The following KANSL1 variants were observed in gnomAD, a reference collection of about 807,000 sequenced individuals.
KANSL1 encodes KAT8 regulatory NSL complex subunit 1.
Under a neutral mutation model 103.6 loss-of-function variants are expected in KANSL1, and 22 were observed. The ratio of observed to expected loss-of-function variants is 0.21; its 90% CI spans 0.15 to 0.30. The LOEUF (loss-of-function observed/expected upper bound fraction) is 0.30, where lower values mean the gene tolerates loss of function less well. Among genes scored for constraint, KANSL1 ranks in the 10% least tolerant of loss-of-function variants. The probability of loss-of-function intolerance (pLI) is 1.00; values close to 1 mark genes in which losing one functional copy is unlikely to be tolerated. For synonymous variants in KANSL1, 600 were observed against 527.6 expected (o/e 1.14, Z -1.88); for missense variants, 1,337 against 1,399.8 (o/e 0.96, Z 0.72).
intron 9 of KANSL1, 25 bp from the exon 10 acceptor site, chr17:46,038,711 G>C: frequency 6.2e-7 from 1 of 1,613,610 alleles, no homozygotes; most frequent in South Asian, 1.1e-5. Flanking sequence ...AGAAAAGAGA[G>C]AAATACATGG....
intron 3 of KANSL1, among the ~76,000 whole-genome samples, chr17:46,090,030 C>T (rs1416366238): frequency 1.3e-5 from 2 of 152,186 alleles, no homozygotes; most frequent in Non-Finnish European, 2.9e-5. Context: ...AGGGTCTTTG[C>T]AGATGTAATC....
chr17:46,218,389 T>C lies in KANSL1; in HGVS notation c.-90+5282A>G, dbSNP rs539044180. ...TACTATCATTATACCCTTTTTACAG[T>C]GTGGACACCAAGGTTCTAAGAGGTT... On this transcript the variant is annotated intron_variant, in intron 1 of 14. Coordinates refer to the KANSL1 transcript ENST00000572904. Among the ~76,000 whole-genome samples, 5 of 152,360 alleles carry C rather than the reference T, an allele frequency of 3.3e-5. No homozygotes were observed. The East Asian group carries it at 7.7e-4, about 24-fold the overall frequency.
chr17:46,105,949 C>A (rs376991420), intron 2 of KANSL1, among the ~76,000 whole-genome samples: 7,155 of 48,090 alleles, frequency 0.15, 245 homozygotes, highest in African/African-American at 0.2. Flanking sequence ...ACACACACAC[C>A]CCCCCAGAAG....
chr17:46,081,496 A>G (rs1440530629), intron 4 of KANSL1, among the ~76,000 whole-genome samples: 1 of 152,238 alleles, frequency 6.6e-6, no homozygotes, highest in Non-Finnish European at 1.5e-5. Flanking sequence ...GTTAAGAACT[A>G]TCAATCTTCT....
intron 1 of KANSL1, among the ~76,000 whole-genome samples, chr17:46,174,236 G>C (rs2046416665): frequency 6.6e-6 from 1 of 152,204 alleles, no homozygotes; most frequent in Non-Finnish European, 1.5e-5. Flanking sequence ...CCACGCTGGA[G>C]TGCAGTGGTA....
intron 2 of KANSL1, among the ~76,000 whole-genome samples, chr17:46,166,163 A>G (rs2045984768): frequency 1.3e-5 from 2 of 149,446 alleles, no homozygotes; most frequent in Admixed American, 1.4e-4. Context: ...CAGTGAGCCG[A>G]GATCATGCCA....
intron 6 of KANSL1, among the ~76,000 whole-genome samples, chr17:46,054,837 T>C (rs1460714369): frequency 1.3e-5 from 2 of 151,882 alleles, no homozygotes; most frequent in Non-Finnish European, 2.9e-5. Flanking sequence ...TTTCTTTAAA[T>C]GTCAGTATTC....
upstream of KANSL1, chr17:46,196,281 T>C: frequency 2.2e-6 from 1 of 446,062 alleles, no homozygotes; most frequent in Admixed American, 2.6e-5. Flanking sequence ...ATATTTCAAA[T>C]CACTCTTGGA....
Position 46,031,626 on chromosome 17 carries a change from T to C in KANSL1, c.3168A>G (p.Ala1056=), listed in dbSNP as rs372299492. ...GAGTGCAGCGGGCTGCTCGCTCCTGTGCATCCAGCTGGTCCTCACACTCCG... is the reference window on the plus strand; with the variant it reads ...GAGTGCAGCGGGCTGCTCGCTCCTGCGCATCCAGCTGGTCCTCACACTCCG... ...PQAECEDQLD[A]QERAARCTRR... The change falls in exon 15 of 15, where the codon GCA becomes GCG. Residue 1056 remains alanine (A), a synonymous_variant. Transcript: ENST00000432791. The C allele has an allele frequency of 1.2e-6, 2 of 1,614,068 alleles. No homozygotes were observed. Among genetic ancestry groups the C allele is most frequent in the Non-Finnish European group, 1.7e-6 (2 of 1,179,942 alleles).
chr17:46,161,112 T>C (rs1470420780), intron 2 of KANSL1, among the ~76,000 whole-genome samples: 1 of 152,076 alleles, frequency 6.6e-6, no homozygotes, highest in Admixed American at 6.5e-5. Context: ...TTAGGCAAAG[T>C]TGGTTAAAAA....
chr17:46,070,901 C>T (rs55831516), intron 4 of KANSL1, among the ~76,000 whole-genome samples: 21,783 of 152,162 alleles, frequency 0.14, 2,127 homozygotes, highest in Non-Finnish European at 0.22. Flanking sequence ...TGAGATTTAA[C>T]TGCAAGAACA....
intron 6 of KANSL1, among the ~76,000 whole-genome samples, chr17:46,054,026 G>T (rs1283401283): frequency 6.6e-6 from 1 of 152,144 alleles, no homozygotes; most frequent in Non-Finnish European, 1.5e-5. Context: ...TATTTGGGAG[G>T]CTGAGGTGGC....
chr17:46,088,190 A>C (rs995396648), intron 3 of KANSL1, among the ~76,000 whole-genome samples: 3 of 152,220 alleles, frequency 2.0e-5, no homozygotes, highest in Non-Finnish European at 4.4e-5. Context: ...ATGCAGCCTT[A>C]ATACCTCCTA....
intron 2 of KANSL1, among the ~76,000 whole-genome samples, chr17:46,109,003 CAGTGA>C (rs1338137186): frequency 6.6e-6 from 1 of 152,202 alleles, no homozygotes; most frequent in Non-Finnish European, 1.5e-5. Flanking sequence ...GGCTGAAGGG[CAGTGA>C]TGCAATCATA....
intron 2 of KANSL1, among the ~76,000 whole-genome samples, chr17:46,137,378 T>G (rs937080194): frequency 6.6e-6 from 1 of 152,262 alleles, no homozygotes; most frequent in Non-Finnish European, 1.5e-5. Context: ...TACCTATTTC[T>G]GCCCCATATT....
chr17:46,038,304 G>C (rs927415106), intron 10 of KANSL1: 1 of 547,116 alleles, frequency 1.8e-6, no homozygotes, highest in African/African-American at 1.9e-5. Context: ...TCTATGGATG[G>C]CTCAGCATAA....
intron 1 of KANSL1, among the ~76,000 whole-genome samples, chr17:46,175,971 T>C (rs1332188455): frequency 1.3e-5 from 2 of 152,250 alleles, no homozygotes; most frequent in African/African-American, 4.8e-5. Flanking sequence ...TTTTATAATA[T>C]GCAAAGGGTT....
At chr17:46,065,496 G>T (rs754061841) in intron 6 of KANSL1, among the ~76,000 whole-genome samples, 33 of 152,090 alleles carry the variant, frequency 2.2e-4, no homozygotes, top group Admixed American at 3.3e-4. Flanking sequence ...CTTTGTACGA[G>T]GAACTTATCA....
At chr17:46,140,071 A>ACCCAT (rs1250358409) in intron 2 of KANSL1, among the ~76,000 whole-genome samples, 2 of 152,136 alleles carry the variant, frequency 1.3e-5, no homozygotes, top group Non-Finnish European at 2.9e-5. Context: ...CTCCATCCCA[A>ACCCAT]CCCATCCCAT....
Sources: gnomAD v4.1 joint callset for allele counts (sites outside exome capture counted in the v4.1 genomes callset) on GRCh38, gnomAD v4.1.1 for gene constraint, MANE v1.5 for transcripts, NCBI Gene and HGNC (gene_info 2026-07-23, HGNC 2026-07-21) for gene names.